The following ZNF385B variants were observed in gnomAD, a reference collection of about 807,000 sequenced individuals.
The protein encoded by ZNF385B is zinc finger protein 385B.
A neutral mutation model predicts 39.2 loss-of-function variants in ZNF385B; 23 were observed. That is an observed-to-expected ratio of 0.59 (90% CI 0.42 to 0.83). The LOEUF (loss-of-function observed/expected upper bound fraction) is 0.83. ZNF385B is among the 40% of genes least tolerant of loss of function. The pLI, the probability that ZNF385B is intolerant of heterozygous loss-of-function variation, is 0.00. For synonymous variants in ZNF385B, 205 were observed against 222.6 expected (o/e 0.92, Z 0.70); for missense variants, 552 against 598.9 (o/e 0.92, Z 0.82).
intron 1 of ZNF385B, among the ~76,000 whole-genome samples, chr2:179,797,550 T>C (rs1204550287): frequency 6.6e-6 from 1 of 152,366 alleles, no homozygotes; most frequent in South Asian, 2.1e-4. Context: ...TTGGTTGATA[T>C]GTCTTTTAAG....
At chr2:179,857,706 C>A (rs1684713797) in intron 1 of ZNF385B, among the ~76,000 whole-genome samples, 1 of 152,052 alleles carries the variant, frequency 6.6e-6, no homozygotes, top group Non-Finnish European at 1.5e-5. Flanking sequence ...CCATTCCAAC[C>A]ATTTAAGATT....
intron 3 of ZNF385B, among the ~76,000 whole-genome samples, chr2:179,628,011 ATTTCATTGTACT>A (rs1395981854): frequency 1.3e-5 from 2 of 152,036 alleles, no homozygotes; most frequent in African/African-American, 4.8e-5. Flanking sequence ...GGCCAACCTT[ATTTCATTGTACT>A]TTTCAAACAT....
intron 3 of ZNF385B, among the ~76,000 whole-genome samples, chr2:179,655,074 A>G (rs961936455): frequency 6.6e-6 from 1 of 152,192 alleles, no homozygotes; most frequent in Admixed American, 6.5e-5. Context: ...CTGGAAAGCT[A>G]GGAAAGGTTT....
chr2:179,836,065 C>G (rs1708231989), intron 1 of ZNF385B, among the ~76,000 whole-genome samples: 1 of 152,074 alleles, frequency 6.6e-6, no homozygotes, highest in African/African-American at 2.4e-5. Context: ...ATGGATGAAC[C>G]TTGAGGATAT....
At chr2:179,836,881 C>T (rs1194090067) in intron 1 of ZNF385B, among the ~76,000 whole-genome samples, 2 of 152,150 alleles carry the variant, frequency 1.3e-5, no homozygotes, top group East Asian at 1.9e-4. Context: ...GCCTTCCTGT[C>T]CTTGTAACAA....
chr2:179,819,743 C>G (rs1707290614), intron 1 of ZNF385B, among the ~76,000 whole-genome samples: 1 of 152,164 alleles, frequency 6.6e-6, no homozygotes, highest in Non-Finnish European at 1.5e-5. Context: ...CTTTTGGCCT[C>G]TCCTTTCTGG....
intron 3 of ZNF385B, among the ~76,000 whole-genome samples, chr2:179,632,784 A>T (rs1375391858): frequency 6.6e-6 from 1 of 152,214 alleles, no homozygotes; most frequent in Non-Finnish European, 1.5e-5. Flanking sequence ...TGAAAAGATC[A>T]AGAAAATTGA....
chr2:179,679,037 G>A (rs1166342897), intron 3 of ZNF385B, among the ~76,000 whole-genome samples: 1 of 152,052 alleles, frequency 6.6e-6, no homozygotes, highest in Non-Finnish European at 1.5e-5. Context: ...TATTCTCAAT[G>A]CTTTGCAGTG....
chr2:179,733,674 T>G (rs918963057), intron 3 of ZNF385B, among the ~76,000 whole-genome samples: 1 of 151,104 alleles, frequency 6.6e-6, no homozygotes, highest in Non-Finnish European at 1.5e-5. Flanking sequence ...TCCCAGCTAC[T>G]CCGGAGGCGG....
intron 6 of ZNF385B, among the ~76,000 whole-genome samples, chr2:179,482,462 A>T (rs2054104112): frequency 6.6e-6 from 1 of 152,196 alleles, no homozygotes; most frequent in East Asian, 1.9e-4. Context: ...CAGATGTGAG[A>T]ATTGTGGAAG....
At chr2:179,446,836 T>C (rs2049549455) in intron 6 of ZNF385B, 66 bp from the exon 7 acceptor site, 20 of 1,501,640 alleles carry the variant, frequency 1.3e-5, no homozygotes, top group African/African-American at 4.2e-5. Flanking sequence ...TAAATCACCA[T>C]AGATGAATTA....
At chr2:179,542,136 C>T (rs760423568) in intron 4 of ZNF385B, among the ~76,000 whole-genome samples, 4 of 152,064 alleles carry the variant, frequency 2.6e-5, no homozygotes, top group Non-Finnish European at 5.9e-5. Context: ...ATGACATTCC[C>T]TTAGGTATTC....
intron 3 of ZNF385B, among the ~76,000 whole-genome samples, chr2:179,575,687 C>A (rs993715205): frequency 2.6e-5 from 4 of 151,964 alleles, no homozygotes; most frequent in African/African-American, 9.7e-5. Context: ...AAAAAGAAAG[C>A]AAAAGGGAGG....
At chr2:179,778,037 G>A (rs760269375) in intron 1 of ZNF385B, among the ~76,000 whole-genome samples, 12 of 151,964 alleles carry the variant, frequency 7.9e-5, no homozygotes, top group Non-Finnish European at 1.8e-4. Flanking sequence ...TCCCTGTCAA[G>A]AGGTTTTTTT....
At position 179,653,286 on chromosome 2, in the gene ZNF385B, G is replaced by C. The variant is rs117927127; in HGVS notation, c.299-108317C>G. Among the ~76,000 whole-genome samples the C allele has an allele frequency of 3.0e-4, 45 of 152,244 alleles. No homozygotes were observed. In the East Asian group the frequency reaches 8.5e-3, roughly 29 times the overall value. On this transcript the variant is annotated intron_variant, in intron 3 of 9. Transcript: ENST00000410066. ...CAATAGATCTCCCTCACTAGACCCC[G>C]TGCACTACTGCTGCACAGAAGAAGA...
chr2:179,847,778 C>T (rs1426624681), intron 1 of ZNF385B, among the ~76,000 whole-genome samples: 1 of 152,158 alleles, frequency 6.6e-6, no homozygotes, highest in Non-Finnish European at 1.5e-5. Flanking sequence ...AGCAGATTAC[C>T]CCTTCTCTGA....
intron 3 of ZNF385B, among the ~76,000 whole-genome samples, chr2:179,632,101 G>A (rs1691279932): frequency 6.6e-6 from 1 of 152,046 alleles, no homozygotes; most frequent in South Asian, 2.1e-4. Flanking sequence ...CAATAATAAT[G>A]AGAGACTTTA....
chr2:179,732,980 T>G lies in ZNF385B; in HGVS notation c.298+36523A>C, dbSNP rs72960910. 8.1e-3 allele frequency among the ~76,000 whole-genome samples: 1,241 copies of G among 152,270 alleles called. 10 individuals are homozygous for G. The highest frequency in any genetic ancestry group is 0.013 in the Non-Finnish European group (874 of 68,010). ...TTCATTTCCAACACAAAGCTGAAATTCCCCAAGACCCTTAATGTTTTACAT... is the reference window on the plus strand; with the variant it reads ...TTCATTTCCAACACAAAGCTGAAATGCCCCAAGACCCTTAATGTTTTACAT... On this transcript the variant is annotated intron_variant, in intron 3 of 9. Coordinates refer to ENST00000410066, the MANE Select transcript of ZNF385B (RefSeq NM_152520.6).
intron 3 of ZNF385B, among the ~76,000 whole-genome samples, chr2:179,602,958 A>G (rs1688524311): frequency 1.3e-5 from 2 of 152,188 alleles, no homozygotes; most frequent in Admixed American, 1.3e-4. Context: ...AGATGTTAAA[A>G]TTTTCCTTAA....
Sources: allele counts gnomAD v4.1 joint callset (sites outside exome capture counted in the v4.1 genomes callset), GRCh38; gene constraint gnomAD v4.1.1; transcripts MANE v1.5; gene names NCBI Gene and HGNC (gene_info 2026-07-23, HGNC 2026-07-21).